Variants in PP2D1 observed in about 807,000 individuals in gnomAD.
PP2D1 encodes protein phosphatase 2C like domain containing 1.
In PP2D1, 25 loss-of-function variants were observed where a neutral mutation model predicts 30.2. The ratio of observed to expected loss-of-function variants is 0.83; its 90% CI spans 0.60 to 1.16. PP2D1 has a LOEUF of 1.16. PP2D1 is among the 50% of genes most tolerant of loss of function. The pLI is 0.00. For synonymous variants in PP2D1, 260 were observed against 258.9 expected, an observed-to-expected ratio of 1.00 and a Z score of -0.04; for missense variants, 760 against 742.4, an observed-to-expected ratio of 1.02 and a Z score of -0.28.
At position 20,004,095 on chromosome 3, in the gene PP2D1, T is replaced by G. The variant is rs144063918; in HGVS notation, c.24-1999A>C. ...ATCACTCACTGACACCCAGAGGGACTTCCAGTCCTGCAAGCTTTATTCATG... is the reference window on the plus strand; with the variant it reads ...ATCACTCACTGACACCCAGAGGGACGTCCAGTCCTGCAAGCTTTATTCATG... On this transcript the variant is annotated intron_variant, in intron 1 of 2. Transcript: ENST00000389050. 3.5e-3 allele frequency among the ~76,000 whole-genome samples: 536 copies of G among 152,338 alleles called. 3 individuals carry two copies. Among genetic ancestry groups the G allele is most frequent in the African/African-American group, 0.012 (505 of 41,582 alleles).
At chr3:19,998,608 A>AT (rs1697212313) in intron 2 of PP2D1, among the ~76,000 whole-genome samples, 1 of 152,190 alleles carries the variant, frequency 6.6e-6, no homozygotes. Flanking sequence ...ATAGATAAAC[A>AT]TTTTTAAAAA....
chr3:19,999,020 G>A (rs1219977027), intron 2 of PP2D1, among the ~76,000 whole-genome samples: 1 of 150,750 alleles, frequency 6.6e-6, no homozygotes, highest in East Asian at 1.9e-4. Flanking sequence ...TATAGGCCTG[G>A]AAATTAAATC....
intron 1 of PP2D1, 84 bp downstream of exon 1, chr3:20,011,966 T>TGG (rs755114798): frequency 9.3e-7 from 1 of 1,080,232 alleles, no homozygotes. Flanking sequence ...ATCTGATAAT[T>TGG]AAGAAAGTGG....
Position 19,986,126 on chromosome 3 carries a change from G to GT in PP2D1, c.1146dup (p.His383ThrfsTer8). 1 of 1,532,274 alleles carries GT rather than the reference G, an allele frequency of 6.5e-7. No homozygotes were observed. The allele number at this position is 1,532,274 out of a possible 1,614,324, so 94.9% of individuals were successfully genotyped here. ...CTTTCATTTGTGTTTCGTGTAGTAT[G>GT]TTCTTTGGTTAGGCAAAAACCTTTC... is the stretch of plus-strand genomic sequence containing the variant. On this transcript the variant is annotated frameshift_variant, in exon 3 of 3. Coordinates refer to ENST00000389050, the MANE Select transcript of PP2D1 (RefSeq NM_001252657.2). LOFTEE classifies it low-confidence loss of function (END_TRUNC).
intron 2 of PP2D1, among the ~76,000 whole-genome samples, chr3:19,987,885 C>T (rs1456518240): frequency 6.6e-6 from 1 of 152,156 alleles, no homozygotes; most frequent in Admixed American, 6.5e-5. Flanking sequence ...GTTAATACTT[C>T]TATAATTTCT....
downstream of PP2D1, among the ~76,000 whole-genome samples, chr3:19,981,119 T>G (rs1385504387): frequency 6.6e-6 from 1 of 152,160 alleles, no homozygotes; most frequent in Admixed American, 6.5e-5. Context: ...TTAGTCATCT[T>G]TAATATTCTG....
chr3:19,985,181 G>A (rs747025431), downstream of PP2D1: 30 of 504,532 alleles, frequency 5.9e-5, no homozygotes, highest in Non-Finnish European at 8.2e-5. Context: ...AGCAAGTATC[G>A]GCTTTTCTCT....
At position 19,985,451 on chromosome 3, in the gene PP2D1, C is replaced by T; in HGVS notation, c.1822G>A (p.Ala608Thr). The change falls in exon 3 of 3, where the codon GCT (alanine) becomes ACT (threonine). Residue 608 changes from alanine (A) to threonine (T), a missense_variant. Physicochemically the swap from Ala to Thr is moderately conservative, Grantham distance 58. This residue lies in a region of PP2D1 where 369 missense variants were observed against 316.2 expected (regional missense o/e 1.17). Transcript: ENST00000389050. ...SHELVNAALL[A>T]GSRDNITVMV... ...ACTGTAATGTTGTCTCTGGAGCCAG[C>T]CAGTAAAGCAGCATTTACAAGTTCA... is the stretch of plus-strand genomic sequence containing the variant. The T allele has an allele frequency of 6.5e-7, 1 of 1,536,056 alleles. No homozygotes were observed. Among genetic ancestry groups the T allele is most frequent in the Non-Finnish European group, 8.7e-7 (1 of 1,146,822 alleles).
rs1697029464 is a variant in PP2D1, at chr3:19,986,090, G to A, written c.1183C>T (p.Leu395Phe). The stretch of plus-strand genomic sequence containing the variant: ...GAACTAATGACTGCTCCATTCTGAA[G>A]TATTCTTCTTCTTTCATTTGTGTTT... ...TRNTNERRRI[L>F]QNGAVISSNE... The change falls in exon 3 of 3, where the codon CTT (leucine) becomes TTT (phenylalanine). Residue 395 changes from leucine to phenylalanine, a missense_variant. Transcript: ENST00000389050. The A allele has an allele frequency of 1.3e-6, 2 of 1,535,900 alleles. No homozygotes were observed. Among genetic ancestry groups the A allele is most frequent in the South Asian group, 1.2e-5 (1 of 84,030 alleles).
chr3:19,986,062 T>G lies in PP2D1; in HGVS notation c.1211A>C (p.Asn404Thr), dbSNP rs1697028923. The G allele has an allele frequency of 6.5e-7, 1 of 1,536,112 alleles. No homozygotes were observed. The highest frequency in any genetic ancestry group is 8.7e-7 in the Non-Finnish European group (1 of 1,146,864). ...CCCCTCTACAAGCCCGTATGGTTCA[T>G]TTGAACTAATGACTGCTCCATTCTG... The part of the protein sequence containing the change: ...ILQNGAVISS[N>T]EPYGLVEGQV... Residue 404 changes from asparagine to threonine, a missense_variant, in exon 3 of 3, where the codon AAT (asparagine) becomes ACT (threonine). Coordinates refer to ENST00000389050, the MANE Select transcript of PP2D1 (RefSeq NM_001252657.2).
Position 20,012,183 on chromosome 3 carries a change from C to A in PP2D1, c.-111G>T. 1.1e-6 allele frequency: 1 copy of A among 886,904 alleles called. No homozygotes were observed. The highest frequency in any genetic ancestry group is 1.7e-6 in the Non-Finnish European group (1 of 578,488). The allele number at this position is 886,904 out of a possible 1,614,324, so 54.9% of individuals were successfully genotyped here. On this transcript the variant is annotated 5_prime_UTR_variant, in exon 1 of 3. Transcript: ENST00000389050. ...GTGGAGGTAGAGGTGAATGTGATGG[C>A]TGTGGCAGAAGTAGTGGTGATGGTG...
chr3:20,002,674 C>A (rs1697270797), intron 1 of PP2D1, among the ~76,000 whole-genome samples: 1 of 152,218 alleles, frequency 6.6e-6, no homozygotes, highest in South Asian at 2.1e-4. Flanking sequence ...AATCCCAACA[C>A]TTTGGGAGGC....
chr3:20,001,071 A>G lies in PP2D1; in HGVS notation c.1049T>C (p.Met350Thr). The G allele has an allele frequency of 7.2e-7, 1 of 1,393,742 alleles. No individual in the cohort carries two copies. The highest frequency in any genetic ancestry group is 9.3e-7 in the Non-Finnish European group (1 of 1,075,500). 86.3% of individuals were successfully genotyped at this position (1,393,742 alleles called of 1,614,324 possible). The change falls in exon 2 of 3, where the codon ATG becomes ACG. Residue 350 changes from methionine to threonine, a missense_variant. This residue lies in a region of PP2D1 where 17 missense variants were observed against 37.4 expected (regional missense o/e 0.45). Coordinates refer to ENST00000389050, the MANE Select transcript of PP2D1 (RefSeq NM_001252657.2). Reference protein sequence around the residue: ...GLAESSPSQEMPKIISGILHV... With the variant: ...GLAESSPSQETPKIISGILHV... ...TAATATTCCAGAAATTATTTTTGGC[A>G]TCTCCTGGGAAGGGGAGCTCTCTGC...
intron 2 of PP2D1, among the ~76,000 whole-genome samples, chr3:19,988,837 T>C (rs1697078032): frequency 6.6e-6 from 1 of 152,154 alleles, no homozygotes; most frequent in Non-Finnish European, 1.5e-5. Flanking sequence ...GTTCCCCCGA[T>C]AGGGCATGGT....
At chr3:19,989,215 C>T (rs910824255) in intron 2 of PP2D1, among the ~76,000 whole-genome samples, 1 of 152,062 alleles carries the variant, frequency 6.6e-6, no homozygotes, top group African/African-American at 2.4e-5. Flanking sequence ...ACCTGTAATC[C>T]CAGCTACTCA....
At chr3:19,982,454 G>C (rs1472646990), downstream of PP2D1, among the ~76,000 whole-genome samples, 1 of 152,162 alleles carries the variant, frequency 6.6e-6, no homozygotes, top group Non-Finnish European at 1.5e-5. Context: ...TTTGCCCAAA[G>C]CATAGATTAT....
chr3:19,999,114 T>G (rs1207620086), intron 2 of PP2D1, among the ~76,000 whole-genome samples: 1 of 146,868 alleles, frequency 6.8e-6, no homozygotes, highest in African/African-American at 2.5e-5. Flanking sequence ...AGAGTCCTGC[T>G]CTGTTACCAG....
At chr3:19,981,233 CGAT>C (rs1458833998), downstream of PP2D1, among the ~76,000 whole-genome samples, 2 of 152,144 alleles carry the variant, frequency 1.3e-5, no homozygotes, top group Non-Finnish European at 2.9e-5. Flanking sequence ...TTTTATAACT[CGAT>C]GGGGTGAAAG....
At chr3:19,999,126 C>T (rs1697219338) in intron 2 of PP2D1, among the ~76,000 whole-genome samples, 1 of 145,786 alleles carries the variant, frequency 6.9e-6, no homozygotes, top group Non-Finnish European at 1.5e-5. Context: ...TGTTACCAGG[C>T]TGGAGTGCAG....
Sources: allele counts gnomAD v4.1 joint callset (sites outside exome capture counted in the v4.1 genomes callset), GRCh38; gene constraint gnomAD v4.1.1; regional missense constraint gnomAD v4.1.1; transcripts MANE v1.5; gene names NCBI Gene and HGNC (gene_info 2026-07-23, HGNC 2026-07-21).